The following KCTD8 variants were observed in gnomAD, a reference collection of about 807,000 sequenced individuals.
KCTD8 encodes the protein potassium channel tetramerization domain containing 8, also known as BTB/POZ domain-containing protein KCTD8.
Under a neutral mutation model 31.5 loss-of-function variants are expected in KCTD8, and 27 were observed. The ratio of observed to expected loss-of-function variants is 0.86; its 90% CI spans 0.63 to 1.18. KCTD8 has a LOEUF of 1.18. Ranked by LOEUF, KCTD8 falls within the 50% of genes most tolerant of loss-of-function variation. KCTD8 has a pLI of 0.00. For synonymous variants in KCTD8, 290 were observed against 280.0 expected (o/e 1.04, Z -0.36); for missense variants, 658 against 647.7 (o/e 1.02, Z -0.17).
chr4:44,317,268 T>C lies in KCTD8; in HGVS notation c.961+130295A>G, dbSNP rs1263251647. Among the ~76,000 whole-genome samples the C allele has an allele frequency of 3.4e-4, 31 of 90,332 alleles. No homozygotes were observed. The South Asian group carries it at 0.013, about 37-fold the overall frequency. The allele number at this position is 90,332 out of a possible 152,430, so 59.3% of individuals were successfully genotyped here. The stretch of plus-strand genomic sequence containing the variant: ...TTTTTTTTGAGACGGAGTCTCGCTC[T>C]GTCGCCCAGGCCGGACTGCGGACTG... On this transcript the variant is annotated intron_variant, in intron 1 of 1. Coordinates refer to ENST00000360029, the MANE Select transcript of KCTD8 (RefSeq NM_198353.3).
At chr4:44,391,170 C>G (rs1364990710) in intron 1 of KCTD8, among the ~76,000 whole-genome samples, 2 of 151,830 alleles carry the variant, frequency 1.3e-5, no homozygotes, top group Non-Finnish European at 2.9e-5. Context: ...TTTGAAGACT[C>G]AGGGGAAAGG....
chr4:44,195,810 T>C (rs1185602529), intron 1 of KCTD8, among the ~76,000 whole-genome samples: 1 of 152,166 alleles, frequency 6.6e-6, no homozygotes, highest in Non-Finnish European at 1.5e-5. Flanking sequence ...AGTAACAGCA[T>C]ACTAAGGATA....
chr4:44,300,680 A>C (rs1336872218), intron 1 of KCTD8, among the ~76,000 whole-genome samples: 1 of 152,178 alleles, frequency 6.6e-6, no homozygotes, highest in African/African-American at 2.4e-5. Context: ...TGCTTATTCA[A>C]ACTAATCCTA....
At chr4:44,261,678 C>A (rs1577580166) in intron 1 of KCTD8, among the ~76,000 whole-genome samples, 2 of 151,916 alleles carry the variant, frequency 1.3e-5, no homozygotes, top group African/African-American at 4.8e-5. Context: ...TAAGTGAGAT[C>A]ATACAGTATG....
At chr4:44,320,198 A>AAAG (rs1560425458) in intron 1 of KCTD8, among the ~76,000 whole-genome samples, 3 of 145,518 alleles carry the variant, frequency 2.1e-5, no homozygotes, top group South Asian at 2.2e-4. Context: ...AAAAAAAAAA[A>AAAG]AGAGAGAGAG....
intron 1 of KCTD8, among the ~76,000 whole-genome samples, chr4:44,250,214 C>A (rs1435743556): frequency 6.6e-6 from 1 of 151,642 alleles, no homozygotes; most frequent in Non-Finnish European, 1.5e-5. Context: ...TTACTGTTGC[C>A]AAATTGCTTT....
At chr4:44,398,985 G>A (rs1207801372) in intron 1 of KCTD8, among the ~76,000 whole-genome samples, 1 of 152,172 alleles carries the variant, frequency 6.6e-6, no homozygotes, top group African/African-American at 2.4e-5. Flanking sequence ...TAAAACAAAA[G>A]AGTAAGGAGA....
At chr4:44,331,138 TA>T (rs557695221) in intron 1 of KCTD8, among the ~76,000 whole-genome samples, 1 of 151,892 alleles carries the variant, frequency 6.6e-6, no homozygotes, top group Non-Finnish European at 1.5e-5. Flanking sequence ...GGAAGTTCAT[TA>T]AAAAATAAAA....
intron 1 of KCTD8, among the ~76,000 whole-genome samples, chr4:44,226,854 G>A (rs1440257949): frequency 6.6e-6 from 1 of 151,022 alleles, no homozygotes; most frequent in African/African-American, 2.4e-5. Flanking sequence ...AGAAGTGTCT[G>A]TTCATATCCT....
intron 1 of KCTD8, among the ~76,000 whole-genome samples, chr4:44,184,331 AATT>A (rs1190038054): frequency 6.6e-6 from 1 of 152,192 alleles, no homozygotes; most frequent in Admixed American, 6.6e-5. Flanking sequence ...AAATGAATAA[AATT>A]AATTTATATG....
chr4:44,373,820 T>C (rs1244088534), intron 1 of KCTD8, among the ~76,000 whole-genome samples: 1 of 152,158 alleles, frequency 6.6e-6, no homozygotes, highest in Non-Finnish European at 1.5e-5. Flanking sequence ...AAGATAAGGA[T>C]TTCTTATTCT....
At chr4:44,216,341 G>T (rs928975865) in intron 1 of KCTD8, among the ~76,000 whole-genome samples, 7 of 152,040 alleles carry the variant, frequency 4.6e-5, no homozygotes, top group Non-Finnish European at 1.0e-4. Flanking sequence ...ACTAGGTTTT[G>T]CTGGGATTAA....
At chr4:44,262,194 G>A (rs1716200822) in intron 1 of KCTD8, among the ~76,000 whole-genome samples, 2 of 152,070 alleles carry the variant, frequency 1.3e-5, no homozygotes, top group Non-Finnish European at 2.9e-5. Context: ...AGGTCACTTT[G>A]ACAAGACTGT....
Position 44,277,772 on chromosome 4 carries a change from C to A in KCTD8, c.962-102522G>T, listed in dbSNP as rs75112492. 8.6e-4 allele frequency among the ~76,000 whole-genome samples: 131 copies of A among 151,922 alleles called. 1 individual carries two copies. The highest frequency in any genetic ancestry group is 3.1e-3 in the African/African-American group (127 of 41,466). ...CAATCCTATGTAGAAATAGTAAGAA[C>A]CATTTTTAAAGATAAAGAATCTGAG... is the stretch of plus-strand genomic sequence containing the variant. On this transcript the variant is annotated intron_variant, in intron 1 of 1. Coordinates refer to ENST00000360029, the MANE Select transcript of KCTD8 (RefSeq NM_198353.3).
chr4:44,247,900 T>A (rs74733370), intron 1 of KCTD8, among the ~76,000 whole-genome samples: 5,428 of 152,004 alleles, frequency 0.036, 157 homozygotes, highest in Non-Finnish European at 0.047. Context: ...TTGTGAATAA[T>A]GCTGCAATGA....
intron 1 of KCTD8, among the ~76,000 whole-genome samples, chr4:44,320,219 C>G (rs1329694440): frequency 1.4e-5 from 2 of 140,124 alleles, no homozygotes; most frequent in Non-Finnish European, 3.1e-5. Flanking sequence ...AATTGATGCT[C>G]TAGTCTGCTT....
intron 1 of KCTD8, among the ~76,000 whole-genome samples, chr4:44,247,507 T>C (rs2109359839): frequency 6.6e-6 from 1 of 152,038 alleles, no homozygotes; most frequent in Non-Finnish European, 1.5e-5. Context: ...TGTTAACAAT[T>C]TTTTAAGTGC....
intron 1 of KCTD8, among the ~76,000 whole-genome samples, chr4:44,434,809 C>T (rs1476500477): frequency 2.6e-5 from 4 of 151,890 alleles, no homozygotes; most frequent in Non-Finnish European, 5.9e-5. Flanking sequence ...GTGAAATTAT[C>T]GCCCTTAACT....
chr4:44,441,818 T>C (rs1299882796), intron 1 of KCTD8, among the ~76,000 whole-genome samples: 2 of 152,214 alleles, frequency 1.3e-5, no homozygotes, highest in Non-Finnish European at 2.9e-5. Flanking sequence ...AATGTGATAG[T>C]AAATTTTTTA....
Sources: gnomAD v4.1 joint callset for allele counts (sites outside exome capture counted in the v4.1 genomes callset) on GRCh38, gnomAD v4.1.1 for gene constraint, MANE v1.5 for transcripts, NCBI Gene and HGNC (gene_info 2026-07-23, HGNC 2026-07-21) for gene names.